Variants in ZFYVE9 observed in about 807,000 individuals in gnomAD.
ZFYVE9 encodes the protein zinc finger FYVE-type containing 9, also known as zinc finger FYVE domain-containing protein 9.
ZFYVE9 carries 43 observed loss-of-function variants against 126.7 expected under a neutral mutation model. The observed-to-expected ratio is 0.34, with a 90% CI of 0.27 to 0.44. ZFYVE9 has a LOEUF of 0.44. Among genes scored for constraint, ZFYVE9 ranks in the 20% least tolerant of loss-of-function variants. The probability of loss-of-function intolerance (pLI) is 1.00; values close to 1 mark genes in which losing one functional copy is unlikely to be tolerated. For synonymous variants in ZFYVE9, 521 were observed against 597.4 expected (o/e 0.87, Z 1.87); for missense variants, 1,476 against 1,697.0 (o/e 0.87, Z 2.29).
intron 1 of ZFYVE9, among the ~76,000 whole-genome samples, chr1:52,167,698 G>A (rs1232634386): frequency 6.6e-6 from 1 of 152,062 alleles, no homozygotes; most frequent in Non-Finnish European, 1.5e-5. Context: ...TAATTTTGAT[G>A]TGAAGCCAAT....
At chr1:52,158,718 C>A (rs780185067) in intron 1 of ZFYVE9, among the ~76,000 whole-genome samples, 2 of 152,126 alleles carry the variant, frequency 1.3e-5, no homozygotes, top group Non-Finnish European at 2.9e-5. Context: ...GCCCTCTGAC[C>A]TTCACGCTTA....
intron 2 of ZFYVE9, among the ~76,000 whole-genome samples, chr1:52,221,080 G>A (rs1406592030): frequency 6.6e-6 from 1 of 152,204 alleles, no homozygotes; most frequent in Non-Finnish European, 1.5e-5. Context: ...GGACTACTCT[G>A]AAGGCATACT....
chr1:52,177,734 A>T lies in ZFYVE9; in HGVS notation c.-143+35331A>T, dbSNP rs535476231. ...TTAACAGGAGTTCTCCAGATGGATA[A>T]AGATGAGAGGGGTGTTTTAAGCAGA... On this transcript the variant is annotated intron_variant, in intron 1 of 18. Transcript: ENST00000287727. Among the ~76,000 whole-genome samples the T allele has an allele frequency of 3.3e-5, 5 of 152,312 alleles. No homozygotes were observed. In the East Asian group the frequency reaches 9.6e-4, roughly 29 times the overall value.
At chr1:52,271,278 G>T (rs1364167924) in intron 7 of ZFYVE9, among the ~76,000 whole-genome samples, 2 of 152,092 alleles carry the variant, frequency 1.3e-5, no homozygotes, top group Non-Finnish European at 2.9e-5. Flanking sequence ...CTCTCACATT[G>T]TGCAACACTC....
intron 13 of ZFYVE9, among the ~76,000 whole-genome samples, chr1:52,311,813 T>G (rs1646139610): frequency 6.6e-6 from 1 of 151,778 alleles, no homozygotes; most frequent in African/African-American, 2.4e-5. Flanking sequence ...TTTTTTTAGA[T>G]GAAGTCTCAC....
intron 12 of ZFYVE9, among the ~76,000 whole-genome samples, chr1:52,299,559 G>T (rs1381943679): frequency 6.6e-6 from 1 of 152,136 alleles, no homozygotes; most frequent in Non-Finnish European, 1.5e-5. Context: ...CCTTTATTGT[G>T]CTGGGCTGCT....
rs1292477152 is a variant in ZFYVE9 at position 52,198,120 on chromosome 1, GTTTGTTTTTT to G, written c.-142-18245_-142-18236del. 3.6e-5 allele frequency among the ~76,000 whole-genome samples: 4 copies of G among 111,082 alleles called. 1 individual carries two copies. Among genetic ancestry groups the G allele is most frequent in the African/African-American group, 1.4e-4 (4 of 28,204 alleles). The allele number at this position is 111,082 out of a possible 152,430, so 72.9% of individuals were successfully genotyped here. ...AAATAATATTGTAGTGTTTTTTTTT[GTTTGTTTTTT>G]TTTTTTTTTGAGATGGAGTCTCACT... is the stretch of plus-strand genomic sequence containing the variant. On this transcript the variant is annotated intron_variant, in intron 1 of 18. Transcript: ENST00000287727.
intron 1 of ZFYVE9, among the ~76,000 whole-genome samples, chr1:52,164,152 A>G (rs1298640613): frequency 6.9e-6 from 1 of 145,176 alleles, no homozygotes; most frequent in Admixed American, 7.0e-5. Context: ...ACGGGTTTTC[A>G]CCATGTTGCC....
intron 1 of ZFYVE9, among the ~76,000 whole-genome samples, chr1:52,199,818 G>A (rs1031198317): frequency 2.6e-5 from 4 of 152,192 alleles, no homozygotes; most frequent in African/African-American, 9.7e-5. Flanking sequence ...AGTCCCTGTT[G>A]CACCCACATC....
At chr1:52,203,467 C>CTTTTTTTTTTT (rs143649191) in intron 1 of ZFYVE9, among the ~76,000 whole-genome samples, 1 of 89,970 alleles carries the variant, frequency 1.1e-5, no homozygotes. Flanking sequence ...ACAGACCCGT[C>CTTTTTTTTTTT]TTTTTTTTTT....
chr1:52,212,009 C>G (rs761186911), intron 1 of ZFYVE9, among the ~76,000 whole-genome samples: 1 of 152,132 alleles, frequency 6.6e-6, no homozygotes, highest in African/African-American at 2.4e-5. Flanking sequence ...AATGATGGTT[C>G]TTTAACGTTC....
chr1:52,157,074 C>T (rs891416689), intron 1 of ZFYVE9, among the ~76,000 whole-genome samples: 51 of 152,090 alleles, frequency 3.4e-4, no homozygotes, highest in African/African-American at 1.2e-3. Context: ...CCTCGTGATC[C>T]GCCTGCCTCG....
chr1:52,207,890 C>G (rs961908352), intron 1 of ZFYVE9, among the ~76,000 whole-genome samples: 2 of 152,192 alleles, frequency 1.3e-5, no homozygotes, highest in African/African-American at 4.8e-5. Context: ...AGTTACATAT[C>G]AGGTCTGTGC....
At position 52,344,797 on chromosome 1, in the gene ZFYVE9, C is replaced by T. The variant is rs759448803; in HGVS notation, c.3969C>T (p.His1323=). ...EVFFLENDDQ[H]NCLSDPADHS... ...TTTTCCTAGAAAACGATGACCAGCA[C>T]AATTGCCTCAGTGATCCTGCAGATC... is the stretch of plus-strand genomic sequence containing the variant. Residue 1323 remains histidine (H), a synonymous_variant, in exon 18 of 19, where the codon CAC becomes CAT. Transcript: ENST00000287727. The T allele has an allele frequency of 1.9e-6, 3 of 1,614,008 alleles. No individual in the cohort carries two copies. In the African/African-American group the frequency reaches 4.0e-5, roughly 22 times the overall value.
intron 4 of ZFYVE9, among the ~76,000 whole-genome samples, chr1:52,241,479 G>T (rs538196478): frequency 3.3e-5 from 5 of 152,192 alleles, no homozygotes; most frequent in African/African-American, 7.2e-5. Flanking sequence ...TTTCTGAAGT[G>T]TTTGCTTTCT....
Position 52,238,524 on chromosome 1 carries a change from T to A in ZFYVE9, c.1107T>A (p.Ala369=), listed in dbSNP as rs1370551681. The change falls in exon 4 of 19, where the codon GCT becomes GCA. Residue 369 remains alanine (A), a synonymous_variant. Transcript: ENST00000287727. ...GCCTTGTGCCTAATGAAGTTAGGGCTGATGAAAATGAAGGTTATGAACATG... is the reference window on the plus strand; with the variant it reads ...GCCTTGTGCCTAATGAAGTTAGGGCAGATGAAAATGAAGGTTATGAACATG... ...SDCLVPNEVR[A]DENEGYEHEE... is the part of the protein sequence containing the mutation. 2 of 1,613,992 alleles carry A rather than the reference T, an allele frequency of 1.2e-6. No individual in the cohort carries two copies. The highest frequency in any genetic ancestry group is 1.7e-6 in the Non-Finnish European group (2 of 1,179,976).
Position 52,346,374 on chromosome 1 carries a change from G to A in ZFYVE9, c.*153G>A. 2.8e-6 allele frequency: 2 copies of A among 708,636 alleles called. No homozygotes were observed. Among genetic ancestry groups the A allele is most frequent in the South Asian group, 3.5e-5 (1 of 28,506 alleles). 43.9% of individuals were successfully genotyped at this position (708,636 alleles called of 1,614,324 possible). ...GAGTGGGGGTTTGGGAGACGGGTGG[G>A]AAAGGGTGGTTGGGGGGACCGATGT... On this transcript the variant is annotated 3_prime_UTR_variant, in exon 19 of 19. Transcript: ENST00000287727.
At chr1:52,300,493 A>G (rs1646023130) in intron 12 of ZFYVE9, among the ~76,000 whole-genome samples, 1 of 151,894 alleles carries the variant, frequency 6.6e-6, no homozygotes. Context: ...CAGGAGGCTG[A>G]GCCAGGAGAA....
Position 52,339,511 on chromosome 1 carries a change from G to A in ZFYVE9, c.3834-615G>A, listed in dbSNP as rs575442074. On this transcript the variant is annotated intron_variant, in intron 16 of 18. Coordinates refer to ENST00000287727, the MANE Select transcript of ZFYVE9 (RefSeq NM_004799.4). ...TTGCTATGTTGCTGATGCTGGTCTC[G>A]AACTCCTGAGCTCAGACAGTCTACC... Among the ~76,000 whole-genome samples, 10 of 152,150 alleles carry A rather than the reference G, an allele frequency of 6.6e-5. No homozygotes were observed. The East Asian group carries it at 1.5e-3, about 24-fold the overall frequency.
Sources: gnomAD v4.1 joint callset for allele counts (sites outside exome capture counted in the v4.1 genomes callset) on GRCh38, gnomAD v4.1.1 for gene constraint, MANE v1.5 for transcripts, NCBI Gene and HGNC (gene_info 2026-07-23, HGNC 2026-07-21) for gene names.